The following CDKL1 variants were observed in gnomAD, a reference collection of about 807,000 sequenced individuals.
CDKL1 encodes cyclin-dependent kinase-like 1.
Under a neutral mutation model 42.0 loss-of-function variants are expected in CDKL1, and 41 were observed. The ratio of observed to expected loss-of-function variants is 0.98; its 90% CI spans 0.76 to 1.27. CDKL1 has a LOEUF of 1.27. Ranked by LOEUF, CDKL1 falls within the 50% of genes most tolerant of loss-of-function variation. The probability of loss-of-function intolerance (pLI) is 0.00; values close to 1 mark genes in which losing one functional copy is unlikely to be tolerated. For missense variants in CDKL1, 394 were observed against 428.4 expected, an observed-to-expected ratio of 0.92 and a Z score of 0.71; for synonymous variants, 153 against 158.6, an observed-to-expected ratio of 0.96 and a Z score of 0.26.
At chr14:50,368,849 T>C (rs1486321395) in intron 2 of CDKL1, among the ~76,000 whole-genome samples, 1 of 151,718 alleles carries the variant, frequency 6.6e-6, no homozygotes, top group Non-Finnish European at 1.5e-5. Flanking sequence ...TTGAAGAATT[T>C]TGTGCTAGTT....
Position 50,396,297 on chromosome 14 carries a change from A to C in CDKL1, c.-429T>G. 2 of 1,014,318 alleles carry C rather than the reference A, an allele frequency of 2.0e-6. No homozygotes were observed. Among genetic ancestry groups the C allele is most frequent in the South Asian group, 8.0e-5 (2 of 25,100 alleles). The allele number at this position is 1,014,318 out of a possible 1,614,324, so 62.8% of individuals were successfully genotyped here. On this transcript the variant is annotated 5_prime_UTR_variant, in exon 2 of 10. Transcript: ENST00000395834. ...TATTGGCACCAACGGACTGCACTAGAGCCCCACCCAACGATGAGTGTTTGT... is the reference window on the plus strand; with the variant it reads ...TATTGGCACCAACGGACTGCACTAGCGCCCCACCCAACGATGAGTGTTTGT...
intron 2 of CDKL1, among the ~76,000 whole-genome samples, chr14:50,382,939 T>C (rs2034961049): frequency 6.6e-6 from 1 of 151,714 alleles, no homozygotes; most frequent in African/African-American, 2.4e-5. Flanking sequence ...TGTTTTTTTT[T>C]TTTTTTGAGA....
At chr14:50,359,901 A>C (rs2034186539) in intron 2 of CDKL1, among the ~76,000 whole-genome samples, 1 of 151,776 alleles carries the variant, frequency 6.6e-6, no homozygotes, top group Admixed American at 6.6e-5. Flanking sequence ...TATCAGAAGC[A>C]CTACAGCTAG....
At chr14:50,358,805 A>G (rs535377421) in intron 3 of CDKL1, among the ~76,000 whole-genome samples, 1 of 151,612 alleles carries the variant, frequency 6.6e-6, no homozygotes, top group Admixed American at 6.6e-5. Flanking sequence ...ACGCCCAGCT[A>G]ATTTTTGTAT....
intron 2 of CDKL1, among the ~76,000 whole-genome samples, chr14:50,395,461 CAT>C (rs763426397): frequency 9.9e-5 from 15 of 152,202 alleles, no homozygotes; most frequent in Non-Finnish European, 4.4e-5. Flanking sequence ...ATTCTTTTAA[CAT>C]AACATGACTC....
intron 2 of CDKL1, among the ~76,000 whole-genome samples, chr14:50,367,681 T>C (rs1316683109): frequency 2.0e-5 from 3 of 152,166 alleles, no homozygotes; most frequent in East Asian, 3.9e-4. Context: ...ACCACAAAGA[T>C]GTTTGGGGCT....
intron 2 of CDKL1, among the ~76,000 whole-genome samples, chr14:50,383,978 A>G (rs1294417314): frequency 2.6e-5 from 4 of 152,234 alleles, no homozygotes; most frequent in Non-Finnish European, 4.4e-5. Flanking sequence ...AAATCTTCTA[A>G]TAAACAAACA....
intron 9 of CDKL1, 41 bp downstream of exon 9, chr14:50,332,221 C>G (rs746143952): frequency 6.2e-6 from 10 of 1,614,198 alleles, no homozygotes; most frequent in South Asian, 2.2e-5. Context: ...TTCCAACTCT[C>G]TGTACCAGGT....
At position 50,329,229 on chromosome 14, in the gene CDKL1, G is replaced by T. The variant is rs1279775153; in HGVS notation, c.*845C>A. On this transcript the variant is annotated 3_prime_UTR_variant, in exon 10 of 10. Transcript: ENST00000395834. ...TTGCCTATAGATGTACCAGGTCAAA[G>T]GCTGTGCCAGAGAGAATGAAATACT... is the stretch of plus-strand genomic sequence containing the variant. 1 of 152,074 alleles carries T rather than the reference G, an allele frequency of 6.6e-6. No individual in the cohort carries two copies. Among genetic ancestry groups the T allele is most frequent in the African/African-American group, 2.4e-5 (1 of 41,388 alleles). 9.4% of individuals were successfully genotyped at this position (152,074 alleles called of 1,614,324 possible).
chr14:50,333,088 A>C (rs2033058997), intron 8 of CDKL1: 1 of 157,032 alleles, frequency 6.4e-6, no homozygotes, highest in African/African-American at 2.4e-5. Context: ...TAAATTTCAC[A>C]ACTACATACT....
intron 2 of CDKL1, among the ~76,000 whole-genome samples, chr14:50,376,639 A>G (rs1397158853): frequency 1.3e-5 from 2 of 152,224 alleles, no homozygotes; most frequent in Admixed American, 6.5e-5. Context: ...ATGAAAATAA[A>G]TGTTCATTAA....
At chr14:50,351,734 CAAAA>C (rs1199112239) in intron 3 of CDKL1, among the ~76,000 whole-genome samples, 3 of 62,934 alleles carry the variant, frequency 4.8e-5, no homozygotes, top group African/African-American at 1.2e-4. Flanking sequence ...GGCCTTGTCT[CAAAA>C]AAAAAAAAAA....
chr14:50,367,849 C>T (rs555148811), intron 2 of CDKL1, among the ~76,000 whole-genome samples: 22 of 152,290 alleles, frequency 1.4e-4, no homozygotes, highest in African/African-American at 5.1e-4. Flanking sequence ...CGGGCCTGCT[C>T]GGACTCAGAT....
chr14:50,328,149 A>G lies in CDKL1; in HGVS notation c.*1925T>C, dbSNP rs934425534. ...TTTTCTATTCTGAATAGTTTTTGGT[A>G]AAACTATTGGCTGAATTATTAGGCT... On this transcript the variant is annotated 3_prime_UTR_variant, in exon 10 of 10. Transcript: ENST00000395834. 1 of 152,188 alleles carries G rather than the reference A, an allele frequency of 6.6e-6. No individual in the cohort carries two copies. The highest frequency in any genetic ancestry group is 2.4e-5 in the African/African-American group (1 of 41,446). 9.4% of individuals were successfully genotyped at this position (152,188 alleles called of 1,614,324 possible). A position where few individuals can be genotyped will look rare whatever the true frequency, so the allele number is the denominator to read the frequency against.
chr14:50,397,151 G>C (rs542739964), upstream of CDKL1: 8 of 1,366,228 alleles, frequency 5.9e-6, no homozygotes, highest in African/African-American at 1.0e-4. Flanking sequence ...CGTCTGCGGA[G>C]CAAGACGCCT....
At chr14:50,331,796 A>G in intron 9 of CDKL1, 1 of 541,786 alleles carries the variant, frequency 1.8e-6, no homozygotes, top group Non-Finnish European at 3.2e-6. Context: ...AGCTGATACC[A>G]CCAAAAGCAC....
At chr14:50,352,309 C>A (rs1412746952) in intron 3 of CDKL1, among the ~76,000 whole-genome samples, 1 of 151,356 alleles carries the variant, frequency 6.6e-6, no homozygotes, top group Non-Finnish European at 1.5e-5. Flanking sequence ...AATAATAGAG[C>A]CTAAGGTAGC....
At chr14:50,362,598 C>T (rs1476827206) in intron 2 of CDKL1, among the ~76,000 whole-genome samples, 3 of 152,018 alleles carry the variant, frequency 2.0e-5, no homozygotes, top group Non-Finnish European at 4.4e-5. Context: ...GTGTCTAGCT[C>T]AGGGTTTGTG....
chr14:50,394,280 C>T (rs2139559698), intron 2 of CDKL1, among the ~76,000 whole-genome samples: 1 of 152,314 alleles, frequency 6.6e-6, no homozygotes, highest in South Asian at 2.1e-4. Flanking sequence ...GGTAGGGTGA[C>T]CCGGGCAGGG....
Sources: gnomAD v4.1 joint callset for allele counts (sites outside exome capture counted in the v4.1 genomes callset) on GRCh38, gnomAD v4.1.1 for gene constraint, MANE v1.5 for transcripts, NCBI Gene and HGNC (gene_info 2026-07-23, HGNC 2026-07-21) for gene names.